RBM27: variants seen among roughly 807,000 people sequenced by gnomAD.
RBM27 encodes RNA-binding protein 27.
In RBM27, 22 loss-of-function variants were observed where a neutral mutation model predicts 135.3. The ratio of observed to expected loss-of-function variants is 0.16; its 90% CI spans 0.12 to 0.23. The LOEUF is 0.23. Ranked by LOEUF, RBM27 falls within the 10% of genes least tolerant of loss-of-function variation. RBM27 has a pLI of 1.00. For synonymous variants in RBM27, 481 were observed against 442.4 expected (o/e 1.09, Z -1.10); for missense variants, 1,009 against 1,281.0 (o/e 0.79, Z 3.24).
Position 146,260,745 on chromosome 5 carries a change from G to A in RBM27, c.1740G>A (p.Lys580=). ...CAAGATGTATTAATCTTCCTTTTAG[G>A]CAAGGAAATAACAATCAAAATAAAC... The part of the protein sequence containing the change: ...GPLTKKPWLG[K]QGNNNQNKPG... The change falls in exon 12 of 21, where the codon AAG becomes AAA. Residue 580 remains lysine (K), a splice_region_variant and synonymous_variant. Transcript: ENST00000265271. 6.3e-7 allele frequency: 1 copy of A among 1,599,310 alleles called. No individual in the cohort carries two copies. The highest frequency in any genetic ancestry group is 8.5e-7 in the Non-Finnish European group (1 of 1,174,202).
intron 1 of RBM27, among the ~76,000 whole-genome samples, chr5:146,205,355 A>C (rs892306926): frequency 1.3e-5 from 2 of 152,122 alleles, no homozygotes; most frequent in African/African-American, 4.8e-5. Flanking sequence ...GCTTGAAAGA[A>C]AGGGGTAGAA....
In RBM27 at chr5:146,203,617, G is replaced by A; in HGVS notation, c.-149G>A. 2 of 691,918 alleles carry A rather than the reference G, an allele frequency of 2.9e-6. No individual in the cohort carries two copies. The highest frequency in any genetic ancestry group is 5.7e-5 in the East Asian group (2 of 35,214). 42.9% of individuals were successfully genotyped at this position (691,918 alleles called of 1,614,324 possible). A position where few individuals can be genotyped will look rare whatever the true frequency, so the allele number is the denominator to read the frequency against. On this transcript the variant is annotated 5_prime_UTR_variant, in exon 1 of 21. Coordinates refer to ENST00000265271, the MANE Select transcript of RBM27 (RefSeq NM_018989.2). ...GGGCTCTTGGGTTAGTTCCTGTTAG[G>A]CCCCGGCCGGGGGAGTAGGTTGAAG...
At chr5:146,240,935 C>G (rs1244691534) in intron 8 of RBM27, among the ~76,000 whole-genome samples, 1 of 151,968 alleles carries the variant, frequency 6.6e-6, no homozygotes, top group Non-Finnish European at 1.5e-5. Flanking sequence ...TCCGGAGTAC[C>G]CAGTATAATG....
rs1248566326 is a variant in RBM27, at chr5:146,228,931, A to G, written c.304-15A>G. 6.2e-7 allele frequency: 1 copy of G among 1,609,412 alleles called. No individual in the cohort carries two copies. Among genetic ancestry groups the G allele is most frequent in the African/African-American group, 1.3e-5 (1 of 74,776 alleles). On this transcript the variant is annotated splice_polypyrimidine_tract_variant and intron_variant, in intron 3 of 20. Coordinates refer to ENST00000265271, the MANE Select transcript of RBM27 (RefSeq NM_018989.2). The stretch of plus-strand genomic sequence containing the variant: ...CCTGGCCCTGCTCTTACTTCTACTC[A>G]ATATTTTCATATAGGTATTTCAGGA...
chr5:146,249,547 C>T (rs529321365), intron 8 of RBM27, among the ~76,000 whole-genome samples: 19 of 151,452 alleles, frequency 1.3e-4, no homozygotes, highest in South Asian at 4.2e-4. Flanking sequence ...ATTAGCTGGG[C>T]GTGGTGGTGG....
intron 15 of RBM27, among the ~76,000 whole-genome samples, 194 bp downstream of exon 15, chr5:146,267,962 A>AT (rs1758689625): frequency 6.6e-6 from 1 of 151,598 alleles, no homozygotes; most frequent in South Asian, 2.1e-4. Context: ...GCCATTCAGA[A>AT]TTTTTTTTTG....
Position 146,263,402 on chromosome 5 carries a change from T to G in RBM27, c.2191-89T>G, listed in dbSNP as rs983838500. The G allele has an allele frequency of 1.4e-5, 19 of 1,319,456 alleles. No individual in the cohort carries two copies. The Admixed American group carries it at 4.4e-4, about 31-fold the overall frequency. 81.7% of individuals were successfully genotyped at this position (1,319,456 alleles called of 1,614,324 possible). On this transcript the variant is annotated intron_variant, in intron 13 of 20. Transcript: ENST00000265271. ...CCTTCCCGTTCCCATTTTCTTATCT[T>G]CTTCCCTAGAGTAATCATCTTAAAT...
At chr5:146,204,100 G>C (rs760843740) in intron 1 of RBM27, among the ~76,000 whole-genome samples, 1 of 152,224 alleles carries the variant, frequency 6.6e-6, no homozygotes, top group South Asian at 2.1e-4. Context: ...GGAAGGGGTA[G>C]CAGGGGCCGT....
chr5:146,269,869 G>A (rs1036437213), intron 17 of RBM27, among the ~76,000 whole-genome samples: 2 of 150,818 alleles, frequency 1.3e-5, no homozygotes, highest in African/African-American at 4.9e-5. Flanking sequence ...CACTGCACCC[G>A]GCTGCCACAA....
rs776124797 is a variant in RBM27 at position 146,258,489 on chromosome 5, T to C, written c.1635T>C (p.Val545=). 4.4e-6 allele frequency: 7 copies of C among 1,602,450 alleles called. No individual in the cohort carries two copies. The highest frequency in any genetic ancestry group is 2.3e-5 in the East Asian group (1 of 44,116). The part of the protein sequence containing the change: ...IVIQTEPPVP[V]SINSNITRVV... ...TCCAGACTGAACCACCAGTTCCTGT[T>C]TCGATTAATAGCAACATAACCAGAG... Residue 545 remains valine (V), a synonymous_variant, in exon 11 of 21, where the codon GTT becomes GTC. Transcript: ENST00000265271.
At chr5:146,239,690 G>A (rs1161116447) in intron 8 of RBM27, among the ~76,000 whole-genome samples, 1 of 151,230 alleles carries the variant, frequency 6.6e-6, no homozygotes, top group Non-Finnish European at 1.5e-5. Flanking sequence ...ATGTTGGCTA[G>A]CTGTCAAACT....
intron 11 of RBM27, among the ~76,000 whole-genome samples, chr5:146,259,504 CAA>C (rs35438348): frequency 6.8e-4 from 42 of 61,642 alleles, no homozygotes; most frequent in East Asian, 1.9e-3. Flanking sequence ...AACTCTGTCT[CAA>C]AAAAAAAAAA....
chr5:146,262,890 CTT>C (rs1156565843), intron 13 of RBM27, among the ~76,000 whole-genome samples: 26 of 140,392 alleles, frequency 1.9e-4, no homozygotes, highest in Non-Finnish European at 2.2e-4. Context: ...TTCTTTTTTC[CTT>C]TTTTTTTTTT....
intron 6 of RBM27, among the ~76,000 whole-genome samples, chr5:146,231,622 T>G (rs897644263): frequency 1.3e-5 from 2 of 152,092 alleles, no homozygotes; most frequent in African/African-American, 4.8e-5. Context: ...TTTATTTATT[T>G]ATTTATTTAT....
chr5:146,263,484 T>C lies in RBM27; in HGVS notation c.2191-7T>C. The C allele has an allele frequency of 6.2e-7, 1 of 1,610,238 alleles. No individual in the cohort carries two copies. Among genetic ancestry groups the C allele is most frequent in the South Asian group, 1.1e-5 (1 of 90,176 alleles). On this transcript the variant is annotated splice_polypyrimidine_tract_variant and splice_region_variant and intron_variant, in intron 13 of 20. Transcript: ENST00000265271. ...CTGCCACATAAGTGTTCATTTTGTA[T>C]GTGCAGATGATGAGCAAACCACAGA...
At position 146,270,962 on chromosome 5, in the gene RBM27, G is replaced by A; in HGVS notation, c.2700G>A (p.Lys900=). 1 of 1,608,306 alleles carries A rather than the reference G, an allele frequency of 6.2e-7. No homozygotes were observed. The highest frequency in any genetic ancestry group is 1.7e-4 in the Middle Eastern group (1 of 6,022). ...SKVKTKTEAQ[K]ELLDTELDLH... is the part of the protein sequence containing the mutation. ...TTTCAATTTTTCCAAAGGCCCAGAA[G>A]GAGTTATTAGATACTGAACTGGACC... Residue 900 remains lysine, a synonymous_variant, in exon 18 of 21, where the codon AAG becomes AAA. Transcript: ENST00000265271.
intron 19 of RBM27, among the ~76,000 whole-genome samples, chr5:146,275,828 CTG>C (rs1205494233): frequency 6.6e-6 from 1 of 152,144 alleles, no homozygotes; most frequent in Non-Finnish European, 1.5e-5. Context: ...AATATATAGA[CTG>C]TACTTTGATA....
At chr5:146,252,973 T>A (rs1757959328) in intron 9 of RBM27, among the ~76,000 whole-genome samples, 1 of 152,006 alleles carries the variant, frequency 6.6e-6, no homozygotes, top group Non-Finnish European at 1.5e-5. Context: ...TGAGGCAAAA[T>A]TATTTGTTTT....
At chr5:146,227,898 C>G (rs183755932) in intron 3 of RBM27, among the ~76,000 whole-genome samples, 91 of 152,250 alleles carry the variant, frequency 6.0e-4, no homozygotes, top group African/African-American at 2.1e-3. Flanking sequence ...TTATAGCATT[C>G]ATTGATTTAA....
Sources: gnomAD v4.1 joint callset for allele counts (sites outside exome capture counted in the v4.1 genomes callset) on GRCh38, gnomAD v4.1.1 for gene constraint, MANE v1.5 for transcripts, NCBI Gene and HGNC (gene_info 2026-07-23, HGNC 2026-07-21) for gene names.